Variants in C13orf42 observed in about 807,000 individuals in gnomAD.
C13orf42 encodes the protein chromosome 13 open reading frame 42.
intron 1 of C13orf42, among the ~76,000 whole-genome samples, chr13:51,130,361 A>G (rs760116265): frequency 3.9e-5 from 6 of 152,220 alleles, no homozygotes; most frequent in Non-Finnish European, 7.3e-5. Context: ...CCCCCTATCT[A>G]TGCAAAGAAG....
At chr13:51,115,435 T>G (rs1158805823), upstream of C13orf42, among the ~76,000 whole-genome samples, 1 of 152,178 alleles carries the variant, frequency 6.6e-6, no homozygotes, top group Non-Finnish European at 1.5e-5. Context: ...CTCCCTACAG[T>G]TGGGGACGTT....
Position 51,127,584 on chromosome 13 carries a change from G to A in C13orf42, n.137-14362C>T, listed in dbSNP as rs528121635. 3.3e-5 allele frequency among the ~76,000 whole-genome samples: 5 copies of A among 152,298 alleles called. No homozygotes were observed. The South Asian group carries it at 1.0e-3, about 32-fold the overall frequency. On this transcript the variant is annotated intron_variant and non_coding_transcript_variant, in intron 1 of 4. Transcript: ENST00000433280. The stretch of plus-strand genomic sequence containing the variant: ...ATAATTATGAGGCAAACACTGCAAA[G>A]TGTTACCTTCCATGAAATCTAGGTG...
chr13:51,141,095 GGTGTGTGTGT>G (rs3043870), intron 1 of C13orf42, among the ~76,000 whole-genome samples: 157 of 128,548 alleles, frequency 1.2e-3, no homozygotes, highest in East Asian at 7.0e-3. Flanking sequence ...ATCGAAGGGA[GGTGTGTGTGT>G]GTGTGTGTGT....
At chr13:51,133,527 C>A (rs1197625168) in intron 1 of C13orf42, among the ~76,000 whole-genome samples, 3 of 151,990 alleles carry the variant, frequency 2.0e-5, no homozygotes, top group Admixed American at 2.0e-4. Context: ...CTCTACTGAA[C>A]ATGTACTATT....
At chr13:51,130,796 T>C (rs934065197) in intron 1 of C13orf42, among the ~76,000 whole-genome samples, 15 of 151,856 alleles carry the variant, frequency 9.9e-5, no homozygotes, top group Admixed American at 6.6e-5. Flanking sequence ...TAGTTAAGAC[T>C]ACTAAAGAAA....
Position 51,110,382 on chromosome 13 carries a change from T to TC in C13orf42, c.414+413dup, listed in dbSNP as rs1295887778. Among the ~76,000 whole-genome samples the TC allele has an allele frequency of 2.0e-5, 3 of 152,218 alleles. No individual in the cohort carries two copies. In the East Asian group the frequency reaches 5.8e-4, roughly 29 times the overall value. ...CCGCCTGACACCAAAACCCATGTCT[T>TC]CCCCACCGAGCTGCTCTGTGGACAC... On this transcript the variant is annotated intron_variant, in intron 1 of 3. Transcript: ENST00000563710.
chr13:51,160,427 T>C (rs1203207356), intron 1 of C13orf42, among the ~76,000 whole-genome samples: 1 of 152,198 alleles, frequency 6.6e-6, no homozygotes, highest in South Asian at 2.1e-4. Context: ...GGAGAGTCAA[T>C]GAACCTGGGA....
intron 1 of C13orf42, among the ~76,000 whole-genome samples, chr13:51,098,339 C>A (rs1312430684): frequency 1.3e-5 from 2 of 151,886 alleles, no homozygotes; most frequent in South Asian, 2.1e-4. Flanking sequence ...CAGCCAATGC[C>A]AAGGAGACCA....
chr13:51,109,432 C>G (rs1953401522), intron 1 of C13orf42, among the ~76,000 whole-genome samples: 1 of 152,142 alleles, frequency 6.6e-6, no homozygotes. Context: ...ACAAAACAGC[C>G]TTAACCTACG....
intron 1 of C13orf42, among the ~76,000 whole-genome samples, chr13:51,165,311 C>G (rs1483213265): frequency 1.3e-5 from 2 of 152,228 alleles, no homozygotes; most frequent in East Asian, 3.8e-4. Context: ...CTAGCCCCTT[C>G]AGGCTCTCCA....
intron 1 of C13orf42, among the ~76,000 whole-genome samples, chr13:51,120,834 T>C (rs1368045656): frequency 2.0e-5 from 3 of 152,062 alleles, no homozygotes; most frequent in South Asian, 2.1e-4. Flanking sequence ...GCCAACATGG[T>C]GAAACCCTGT....
At chr13:51,168,701 G>C (rs729031) in intron 1 of C13orf42, among the ~76,000 whole-genome samples, 21,124 of 152,134 alleles carry the variant, frequency 0.14, 1,852 homozygotes, top group South Asian at 0.33. Context: ...TTGAATGTCT[G>C]TCCCCACCCA....
At chr13:51,116,215 T>C (rs995629897), upstream of C13orf42, among the ~76,000 whole-genome samples, 1 of 152,186 alleles carries the variant, frequency 6.6e-6, no homozygotes, top group African/African-American at 2.4e-5. Flanking sequence ...GGGAGCATCG[T>C]GTACATTGCT....
chr13:51,165,198 A>G (rs1432835846), intron 1 of C13orf42, among the ~76,000 whole-genome samples: 1 of 152,166 alleles, frequency 6.6e-6, no homozygotes, highest in Non-Finnish European at 1.5e-5. Context: ...CTCCTGGCTG[A>G]GCTGCCTTAT....
chr13:51,168,863 GCT>G (rs1039242335), intron 1 of C13orf42, among the ~76,000 whole-genome samples: 3 of 146,688 alleles, frequency 2.0e-5, no homozygotes, highest in Non-Finnish European at 4.6e-5. Context: ...GCACCTCCCT[GCT>G]CTCTCTCTCT....
chr13:51,144,359 T>C (rs1383372811), intron 1 of C13orf42, among the ~76,000 whole-genome samples: 4 of 127,960 alleles, frequency 3.1e-5, no homozygotes, highest in Non-Finnish European at 6.9e-5. Flanking sequence ...TTTGAGCTAT[T>C]GACAGCTTTT....
intron 1 of C13orf42, among the ~76,000 whole-genome samples, chr13:51,157,068 A>C (rs1185616278): frequency 6.6e-6 from 1 of 152,224 alleles, no homozygotes; most frequent in Non-Finnish European, 1.5e-5. Flanking sequence ...CCAGTGTTAT[A>C]TGTGCAGATG....
intron 1 of C13orf42, among the ~76,000 whole-genome samples, chr13:51,143,783 G>A (rs180837499): frequency 4.6e-5 from 7 of 152,032 alleles, no homozygotes; most frequent in Non-Finnish European, 8.8e-5. Context: ...CATTAGGTTC[G>A]CTAAAGTTCA....
intron 1 of C13orf42, among the ~76,000 whole-genome samples, chr13:51,098,416 A>G (rs1310842352): frequency 6.6e-6 from 1 of 151,986 alleles, no homozygotes; most frequent in Non-Finnish European, 1.5e-5. Flanking sequence ...TCAGAGGGTC[A>G]ACTCATGTGT....
Sources: gnomAD v4.1 joint callset for allele counts (sites outside exome capture counted in the v4.1 genomes callset) on GRCh38, gnomAD v4.1.1 for gene constraint, MANE v1.5 for transcripts, NCBI Gene and HGNC (gene_info 2026-07-23, HGNC 2026-07-21) for gene names.